Variants in FOXP2 observed in about 807,000 individuals in gnomAD.
FOXP2 encodes forkhead box protein P2.
FOXP2 carries 12 observed loss-of-function variants against 115.8 expected under a neutral mutation model. That is an observed-to-expected ratio of 0.10 (90% confidence interval 0.07 to 0.17). The LOEUF (loss-of-function observed/expected upper bound fraction) is 0.17. Ranked by LOEUF, FOXP2 falls within the 10% of genes least tolerant of loss-of-function variation. The pLI is 1.00. For missense variants in FOXP2, 629 were observed against 843.5 expected (o/e 0.75, Z 3.15); for synonymous variants, 328 against 297.7 (o/e 1.10, Z -1.05).
intron 2 of FOXP2, among the ~76,000 whole-genome samples, chr7:114,513,095 A>G (rs1798158469): frequency 6.6e-6 from 1 of 152,114 alleles, no homozygotes; most frequent in Non-Finnish European, 1.5e-5. Flanking sequence ...AACAAAACAA[A>G]CAACAACAAC....
chr7:114,689,697 T>A, intron 16 of FOXP2, 85 bp from the exon 17 acceptor site: 1 of 1,413,488 alleles, frequency 7.1e-7, no homozygotes, highest in Non-Finnish European at 9.9e-7. Context: ...TTGCCTTTTT[T>A]CAGTTGACCT....
chr7:114,421,162 G>C (rs1375808043), intron 1 of FOXP2, among the ~76,000 whole-genome samples: 1 of 151,484 alleles, frequency 6.6e-6, no homozygotes, highest in Admixed American at 6.6e-5. Context: ...TGCACTTTAA[G>C]TGAAATAGCA....
chr7:114,166,372 G>C (rs1181527035), intron 1 of FOXP2, among the ~76,000 whole-genome samples: 1 of 152,094 alleles, frequency 6.6e-6, no homozygotes, highest in East Asian at 1.9e-4. Flanking sequence ...TAAAAGATTT[G>C]TATCTAAAAT....
At position 114,652,018 on chromosome 7, in the gene FOXP2, A is replaced by G. The variant is rs992394410; in HGVS notation, c.1095-185A>G. ...TTTCTGCCATTTGAAGAGTCTCTTT[A>G]CATTACATAAATAATTTTCACACAA... On this transcript the variant is annotated intron_variant, in intron 8 of 16. Transcript: ENST00000350908. Among the ~76,000 whole-genome samples, 3 of 152,178 alleles carry G rather than the reference A, an allele frequency of 2.0e-5. No homozygotes were observed. The East Asian group carries it at 5.8e-4, about 29-fold the overall frequency.
chr7:114,414,221 A>G (rs963177959), upstream of FOXP2: 4 of 152,046 alleles, frequency 2.6e-5, no homozygotes, highest in Admixed American at 6.6e-5. Context: ...CTACAGTATA[A>G]AATCTTAAAA....
At chr7:114,169,955 A>G (rs998557278) in intron 1 of FOXP2, among the ~76,000 whole-genome samples, 5 of 152,150 alleles carry the variant, frequency 3.3e-5, no homozygotes, top group Admixed American at 2.6e-4. Context: ...GCCTTCTGCC[A>G]TGATTTTGAG....
chr7:114,564,511 G>T (rs1216524805), intron 3 of FOXP2, among the ~76,000 whole-genome samples: 1 of 152,026 alleles, frequency 6.6e-6, no homozygotes, highest in Non-Finnish European at 1.5e-5. Context: ...CCACAGTATT[G>T]TTAACAGTAT....
At chr7:114,225,793 C>A (rs1794732034) in intron 1 of FOXP2, among the ~76,000 whole-genome samples, 3 of 152,126 alleles carry the variant, frequency 2.0e-5, no homozygotes, top group Admixed American at 2.0e-4. Flanking sequence ...TTTTAAAATA[C>A]TTTATCACAA....
intron 2 of FOXP2, among the ~76,000 whole-genome samples, chr7:114,326,913 T>C (rs996382909): frequency 6.6e-6 from 1 of 152,214 alleles, no homozygotes; most frequent in Non-Finnish European, 1.5e-5. Flanking sequence ...TATTAACCTG[T>C]ATTGGACATC....
intron 3 of FOXP2, among the ~76,000 whole-genome samples, chr7:114,596,099 A>G (rs1008833630): frequency 6.8e-6 from 1 of 147,004 alleles, no homozygotes; most frequent in Non-Finnish European, 1.5e-5. Flanking sequence ...TTATCAAAAC[A>G]CAGTGATTAA....
chr7:114,390,970 C>T (rs947156768), intron 2 of FOXP2, among the ~76,000 whole-genome samples: 3 of 152,168 alleles, frequency 2.0e-5, no homozygotes, highest in African/African-American at 4.8e-5. Flanking sequence ...GGGCAGATCA[C>T]GAGGTCAGGA....
chr7:114,339,269 A>C (rs1791134860), intron 2 of FOXP2, among the ~76,000 whole-genome samples: 1 of 151,206 alleles, frequency 6.6e-6, no homozygotes, highest in Admixed American at 6.6e-5. Flanking sequence ...AACTGAGTGC[A>C]ACATGGTATA....
At chr7:114,395,053 G>A (rs1023492141) in intron 2 of FOXP2, among the ~76,000 whole-genome samples, 2 of 152,288 alleles carry the variant, frequency 1.3e-5, no homozygotes, top group African/African-American at 4.8e-5. Context: ...GCAAGTGGGA[G>A]TTAGGTTGGT....
intron 2 of FOXP2, among the ~76,000 whole-genome samples, chr7:114,489,211 G>A (rs1233824343): frequency 6.6e-6 from 1 of 151,818 alleles, no homozygotes; most frequent in East Asian, 1.9e-4. Flanking sequence ...AATTTTTCAT[G>A]GAAAATATCA....
At chr7:114,674,988 A>G (rs1807682115) in intron 16 of FOXP2, among the ~76,000 whole-genome samples, 1 of 152,110 alleles carries the variant, frequency 6.6e-6, no homozygotes, top group Non-Finnish European at 1.5e-5. Flanking sequence ...TTAAAACTTT[A>G]ATGTCACTTA....
chr7:114,550,597 T>C (rs949058237), intron 3 of FOXP2, among the ~76,000 whole-genome samples: 23 of 152,216 alleles, frequency 1.5e-4, no homozygotes, highest in Non-Finnish European at 2.6e-4. Context: ...ATTGAAGTTA[T>C]TCAATGAAGT....
chr7:114,251,786 T>A (rs928211384), intron 1 of FOXP2, among the ~76,000 whole-genome samples: 3 of 152,226 alleles, frequency 2.0e-5, no homozygotes, highest in African/African-American at 7.2e-5. Flanking sequence ...CTTTCTTTCT[T>A]TCTCCTGCCT....
intron 2 of FOXP2, among the ~76,000 whole-genome samples, chr7:114,321,417 C>CT (rs1323730651): frequency 6.6e-6 from 1 of 151,944 alleles, no homozygotes; most frequent in African/African-American, 2.4e-5. Context: ...CCAGGATGGT[C>CT]TTTTTCTCCT....
At chr7:114,587,559 T>G (rs934198981) in intron 3 of FOXP2, among the ~76,000 whole-genome samples, 1 of 152,144 alleles carries the variant, frequency 6.6e-6, no homozygotes, top group Admixed American at 6.5e-5. Context: ...TTAACTCATT[T>G]TAAAATTCTG....
Sources: allele counts gnomAD v4.1 joint callset (sites outside exome capture counted in the v4.1 genomes callset), GRCh38; gene constraint gnomAD v4.1.1; transcripts MANE v1.5; gene names NCBI Gene and HGNC (gene_info 2026-07-23, HGNC 2026-07-21).